SAE1: variants seen among roughly 807,000 people sequenced by gnomAD.
SAE1 encodes SUMO-activating enzyme subunit 1.
SAE1 carries 11 observed loss-of-function variants against 40.6 expected under a neutral mutation model. The observed-to-expected ratio is 0.27, with a 90% CI of 0.17 to 0.45. SAE1 has a LOEUF of 0.45. Ranked by LOEUF, SAE1 falls within the 20% of genes least tolerant of loss-of-function variation. SAE1 has a pLI of 1.00. For missense variants in SAE1, 373 were observed against 427.3 expected (o/e 0.87, Z 1.12); for synonymous variants, 155 against 154.3 (o/e 1.00, Z -0.03).
At chr19:47,136,880 T>C (rs2058183733) in intron 1 of SAE1, among the ~76,000 whole-genome samples, 2 of 152,020 alleles carry the variant, frequency 1.3e-5, no homozygotes, top group African/African-American at 4.8e-5. Context: ...ACAGAGCAAA[T>C]TGACTTGCCT....
intron 6 of SAE1, among the ~76,000 whole-genome samples, chr19:47,181,780 C>CTTTTTTTT (rs36107839): frequency 5.2e-5 from 5 of 96,506 alleles, no homozygotes; most frequent in South Asian, 3.5e-4. Context: ...CACCTGGCCT[C>CTTTTTTTT]TTTTTTTTTT....
chr19:47,154,492 T>G (rs1362196577), intron 4 of SAE1, among the ~76,000 whole-genome samples: 4 of 125,452 alleles, frequency 3.2e-5, no homozygotes, highest in African/African-American at 1.2e-4. Context: ...TTTTTTTTTT[T>G]TTTTTTTTTT....
At chr19:47,143,398 C>T in intron 1 of SAE1, 96 bp from the exon 2 acceptor site, 6 of 970,484 alleles carry the variant, frequency 6.2e-6, no homozygotes, top group Non-Finnish European at 9.8e-6. Context: ...AGCCACCGTG[C>T]CTGGCAAACC....
intron 1 of SAE1, 86 bp from the exon 2 acceptor site, chr19:47,143,408 C>T (rs1169789464): frequency 7.7e-6 from 9 of 1,173,256 alleles, no homozygotes; most frequent in Non-Finnish European, 1.1e-5. Flanking sequence ...CCTGGCAAAC[C>T]AAAATGATTT....
At chr19:47,155,249 G>C (rs931480555) in intron 5 of SAE1, 36 bp downstream of exon 5, 1 of 1,444,368 alleles carries the variant, frequency 6.9e-7, no homozygotes, top group Non-Finnish European at 9.7e-7. Context: ...CAGAAACCCT[G>C]GGGCCTTGGA....
chr19:47,204,317 C>A (rs1223265922), intron 8 of SAE1, among the ~76,000 whole-genome samples: 1 of 150,460 alleles, frequency 6.6e-6, no homozygotes, highest in Non-Finnish European at 1.5e-5. Context: ...CCTACCTTAG[C>A]CTTCCAAGTA....
At chr19:47,167,834 G>T (rs909274883) in intron 5 of SAE1, among the ~76,000 whole-genome samples, 1 of 151,996 alleles carries the variant, frequency 6.6e-6, no homozygotes, top group Non-Finnish European at 1.5e-5. Flanking sequence ...TTTTAGAGAC[G>T]GGATCTAACA....
intron 2 of SAE1, 106 bp from the exon 3 acceptor site, chr19:47,150,092 AAAAT>A: frequency 2.6e-6 from 2 of 756,790 alleles, no homozygotes; most frequent in Non-Finnish European, 3.9e-6. Flanking sequence ...AAAAAAAAAA[AAAAT>A]TTAGGTGGTA....
intron 6 of SAE1, among the ~76,000 whole-genome samples, chr19:47,175,771 T>C (rs534573979): frequency 5.3e-5 from 8 of 152,268 alleles, no homozygotes; most frequent in African/African-American, 1.4e-4. Flanking sequence ...TAAACTAATA[T>C]ATCTCATTAA....
At chr19:47,208,287 TCTCA>T (rs972221272) in intron 8 of SAE1, among the ~76,000 whole-genome samples, 13 of 152,106 alleles carry the variant, frequency 8.5e-5, no homozygotes, top group Admixed American at 2.6e-4. Context: ...TGAGACAGGG[TCTCA>T]CTCTGTTCCC....
chr19:47,145,183 G>A (rs1016146347), intron 2 of SAE1, among the ~76,000 whole-genome samples: 17 of 152,168 alleles, frequency 1.1e-4, no homozygotes, highest in South Asian at 8.3e-4. Context: ...AACGTTTTTA[G>A]TAGAGACCGG....
chr19:47,130,869 C>T lies in SAE1; in HGVS notation c.-62C>T, dbSNP rs550510017. 3.9e-6 allele frequency: 6 copies of T among 1,543,968 alleles called. No individual in the cohort carries two copies. The highest frequency in any genetic ancestry group is 5.2e-6 in the Non-Finnish European group (6 of 1,144,482). ...GTGCTGCCGGCGGCGGTAGGTGGCG[C>T]GCGGGTCCGGCGGGCGGTTGGCTTG... On this transcript the variant is annotated 5_prime_UTR_variant, in exon 1 of 9. Coordinates refer to ENST00000270225, the MANE Select transcript of SAE1 (RefSeq NM_005500.3).
chr19:47,199,899 C>A (rs1340196581), intron 7 of SAE1, among the ~76,000 whole-genome samples: 1 of 151,910 alleles, frequency 6.6e-6, no homozygotes, highest in African/African-American at 2.4e-5. Context: ...GTTACAAAGG[C>A]ACCTTGTAAA....
At chr19:47,140,880 A>C (rs1239410162) in intron 1 of SAE1, among the ~76,000 whole-genome samples, 2 of 151,946 alleles carry the variant, frequency 1.3e-5, no homozygotes, top group East Asian at 3.9e-4. Flanking sequence ...TTTGAGACGG[A>C]GTCTGTCACC....
chr19:47,134,086 C>G (rs1325469271), intron 1 of SAE1, among the ~76,000 whole-genome samples: 5 of 152,098 alleles, frequency 3.3e-5, no homozygotes, highest in Admixed American at 1.3e-4. Context: ...TGGTGTTGAA[C>G]CCCTGACCTC....
At chr19:47,193,306 C>G (rs1056536122) in intron 6 of SAE1, among the ~76,000 whole-genome samples, 1 of 152,038 alleles carries the variant, frequency 6.6e-6, no homozygotes, top group Non-Finnish European at 1.5e-5. Flanking sequence ...GGTGATCCAC[C>G]TGCCTCAGCC....
intron 5 of SAE1, among the ~76,000 whole-genome samples, chr19:47,161,999 A>T (rs1195328964): frequency 6.6e-6 from 1 of 152,186 alleles, no homozygotes; most frequent in Non-Finnish European, 1.5e-5. Context: ...ATTAAAATCA[A>T]ATCAAATCAA....
chr19:47,195,987 G>C (rs2058611829), intron 6 of SAE1, among the ~76,000 whole-genome samples: 1 of 150,276 alleles, frequency 6.7e-6, no homozygotes, highest in African/African-American at 2.4e-5. Flanking sequence ...TCACGCCTTG[G>C]CCCCCCAAAG....
At chr19:47,197,798 G>C (rs1479447331) in intron 7 of SAE1, among the ~76,000 whole-genome samples, 1 of 152,194 alleles carries the variant, frequency 6.6e-6, no homozygotes, top group East Asian at 1.9e-4. Flanking sequence ...TTGTGTTCAG[G>C]CTTTTCTAAC....
Sources: allele counts gnomAD v4.1 joint callset (sites outside exome capture counted in the v4.1 genomes callset), GRCh38; gene constraint gnomAD v4.1.1; transcripts MANE v1.5; gene names NCBI Gene and HGNC (gene_info 2026-07-23, HGNC 2026-07-21).